Variants in MIER2 observed in about 807,000 individuals in gnomAD.
MIER2 encodes the protein mesoderm induction early response protein 2.
A neutral mutation model predicts 67.6 loss-of-function variants in MIER2; 30 were observed. The ratio of observed to expected loss-of-function variants is 0.44; its 90% CI spans 0.33 to 0.60. MIER2 has a LOEUF of 0.60. Among genes scored for constraint, MIER2 ranks in the 20% least tolerant of loss-of-function variants. MIER2 has a pLI of 0.02. For missense variants in MIER2, 702 were observed against 745.1 expected (o/e 0.94, Z 0.67); for synonymous variants, 372 against 312.6 (o/e 1.19, Z -2.00).
At chr19:316,297 A>ATTT (rs112050180) in intron 7 of MIER2, among the ~76,000 whole-genome samples, 11 of 148,330 alleles carry the variant, frequency 7.4e-5, no homozygotes, top group African/African-American at 9.9e-5. Flanking sequence ...TGATATGTAG[A>ATTT]TTTTTTTTTT....
chr19:311,262 G>C (rs1392178574), intron 10 of MIER2, among the ~76,000 whole-genome samples: 1 of 152,262 alleles, frequency 6.6e-6, no homozygotes, highest in Non-Finnish European at 1.5e-5. Flanking sequence ...AGAGATGTCT[G>C]ACTGCCAAGA....
chr19:309,287 G>A (rs1260901187), intron 10 of MIER2, among the ~76,000 whole-genome samples: 2 of 151,962 alleles, frequency 1.3e-5, no homozygotes, highest in Non-Finnish European at 2.9e-5. Context: ...GGCCAGTTGC[G>A]TCCACCTCAT....
At position 324,740 on chromosome 19, in the gene MIER2, C is replaced by T. The variant is rs1398554864; in HGVS notation, c.655+895G>A. ...AGGGGCCAGCTGGCATCCCATGGGACGAAGAAGTCCTGGCTGCTCCAGACA... is the reference window on the plus strand; with the variant it reads ...AGGGGCCAGCTGGCATCCCATGGGATGAAGAAGTCCTGGCTGCTCCAGACA... On this transcript the variant is annotated intron_variant, in intron 7 of 13. Coordinates refer to ENST00000264819, the MANE Select transcript of MIER2 (RefSeq NM_017550.3). Among the ~76,000 whole-genome samples, 9 of 152,210 alleles carry T rather than the reference C, an allele frequency of 5.9e-5. No homozygotes were observed. The East Asian group carries it at 9.6e-4, about 16-fold the overall frequency.
chr19:344,685 C>T (rs1471699757), intron 1 of MIER2, 89 bp downstream of exon 1: 11 of 892,792 alleles, frequency 1.2e-5, no homozygotes, highest in Non-Finnish European at 1.5e-5. Flanking sequence ...GCTCTCCGTC[C>T]CTGGGGCCCA....
At chr19:313,331 C>T (rs1971096820) in intron 8 of MIER2, among the ~76,000 whole-genome samples, 161 bp downstream of exon 8, 1 of 152,154 alleles carries the variant, frequency 6.6e-6, no homozygotes. Flanking sequence ...TTAATTGGCC[C>T]CCCTTCTGAC....
At position 310,619 on chromosome 19, in the gene MIER2, C is replaced by CGGCCCGG. The variant is rs1568216631; in HGVS notation, c.984+1225_984+1226insCCGGGCC. ...AACACAGCCGGGAGCTATAGAAACA[C>CGGCCCGG]AGCCCGGAGCTATAGAAACAGCCCA... On this transcript the variant is annotated intron_variant, in intron 10 of 13. Transcript: ENST00000264819. Among the ~76,000 whole-genome samples the CGGCCCGG allele has an allele frequency of 9.1e-3, 536 of 59,160 alleles. 6 individuals carry two copies. Among genetic ancestry groups the CGGCCCGG allele is most frequent in the African/African-American group, 0.024 (196 of 8,236 alleles). The allele number at this position is 59,160 out of a possible 152,430, so 38.8% of individuals were successfully genotyped here. A position where few individuals can be genotyped will look rare whatever the true frequency, so the allele number is the denominator to read the frequency against.
In MIER2 at chr19:327,957, C is replaced by A. The variant is rs373518236; in HGVS notation, c.276G>T (p.Ala92=). 2 of 1,613,062 alleles carry A rather than the reference C, an allele frequency of 1.2e-6. No individual in the cohort carries two copies. The highest frequency in any genetic ancestry group is 1.7e-5 in the Admixed American group (1 of 59,914). ...SNDMPFDELL[A]LYGYEASDPI... The stretch of plus-strand genomic sequence containing the variant: ...GGTCTGACGCCTCGTAGCCATAGAG[C>A]GCAAGCAGCTCATCAAAGGGCATGT... The change falls in exon 4 of 14, where the codon GCG becomes GCT. Residue 92 remains alanine (A), a synonymous_variant. Transcript: ENST00000264819.
chr19:307,667 A>G (rs1181218269), intron 12 of MIER2, 131 bp from the exon 13 acceptor site: 4 of 972,710 alleles, frequency 4.1e-6, no homozygotes, highest in Non-Finnish European at 4.3e-6. Flanking sequence ...CACAAATACA[A>G]AAGACACCAG....
intron 1 of MIER2, among the ~76,000 whole-genome samples, chr19:339,644 A>C (rs1972416535): frequency 6.6e-6 from 1 of 152,232 alleles, no homozygotes; most frequent in African/African-American, 2.4e-5. Flanking sequence ...AACGGGGCAA[A>C]GAAGGACGCA....
intron 1 of MIER2, among the ~76,000 whole-genome samples, chr19:338,949 C>T (rs1239071118): frequency 6.6e-6 from 1 of 152,044 alleles, no homozygotes; most frequent in Admixed American, 6.6e-5. Flanking sequence ...AACCACACAA[C>T]TTTTCGGAGA....
At chr19:344,724 GC>G in intron 1 of MIER2, 49 bp downstream of exon 1, 1 of 1,112,106 alleles carries the variant, frequency 9.0e-7, no homozygotes, top group Non-Finnish European at 1.1e-6. Flanking sequence ...GCGGCGGGGG[GC>G]GCGGACGCGC....
intron 7 of MIER2, among the ~76,000 whole-genome samples, chr19:323,308 C>T (rs573571535): frequency 2.2e-4 from 32 of 145,532 alleles, no homozygotes; most frequent in African/African-American, 7.9e-4. Context: ...CAACGCAATA[C>T]ACAAGACACA....
chr19:317,599 G>A (rs1376895718), intron 7 of MIER2, among the ~76,000 whole-genome samples: 3 of 150,516 alleles, frequency 2.0e-5, no homozygotes, highest in Non-Finnish European at 3.0e-5. Context: ...GCATGGTGGC[G>A]GATGCGTGTA....
intron 12 of MIER2, 33 bp from the exon 13 acceptor site, chr19:307,569 T>G (rs779603570): frequency 3.2e-5 from 48 of 1,479,514 alleles, no homozygotes; most frequent in Non-Finnish European, 4.1e-5. Flanking sequence ...GGGTGGGGCC[T>G]GCCCACAGCC....
chr19:343,658 T>A (rs541547705), intron 1 of MIER2, among the ~76,000 whole-genome samples: 1 of 152,336 alleles, frequency 6.6e-6, no homozygotes, highest in Admixed American at 6.5e-5. Flanking sequence ...GAGGCGGCTG[T>A]GCCTGGCTGG....
At chr19:325,007 G>C (rs554897491) in intron 7 of MIER2, among the ~76,000 whole-genome samples, 11 of 152,214 alleles carry the variant, frequency 7.2e-5, no homozygotes, top group Non-Finnish European at 1.5e-4. Flanking sequence ...TACTTCTGCT[G>C]CACCTGTCCC....
At chr19:315,167 C>A (rs1005668703) in intron 7 of MIER2, among the ~76,000 whole-genome samples, 5 of 148,554 alleles carry the variant, frequency 3.4e-5, no homozygotes, top group Non-Finnish European at 4.4e-5. Flanking sequence ...GAGTTCGAGA[C>A]CAGCCTGGCA....
At chr19:315,506 C>G (rs115030828) in intron 7 of MIER2, among the ~76,000 whole-genome samples, 26 of 152,336 alleles carry the variant, frequency 1.7e-4, no homozygotes, top group African/African-American at 5.8e-4. Context: ...AGAGTCTCAG[C>G]AGAGACTTGA....
intron 3 of MIER2, among the ~76,000 whole-genome samples, chr19:331,359 A>AG: frequency 6.8e-6 from 1 of 147,986 alleles, no homozygotes; most frequent in African/African-American, 2.5e-5. Context: ...CTCTGTCCCC[A>AG]GAAAAAAAAA....
Sources: allele counts gnomAD v4.1 joint callset (sites outside exome capture counted in the v4.1 genomes callset), GRCh38; gene constraint gnomAD v4.1.1; transcripts MANE v1.5; gene names NCBI Gene and HGNC (gene_info 2026-07-23, HGNC 2026-07-21).